NKAIN3: variants seen among roughly 807,000 people sequenced by gnomAD.
The protein encoded by NKAIN3 is sodium/potassium-transporting ATPase subunit beta-1-interacting protein 3.
A neutral mutation model predicts 30.2 loss-of-function variants in NKAIN3; 25 were observed. The observed-to-expected ratio is 0.83, with a 90% CI of 0.60 to 1.16. NKAIN3 has a LOEUF of 1.16. Among genes scored for constraint, NKAIN3 ranks in the 50% most tolerant of loss-of-function variants. The pLI, the probability that NKAIN3 is intolerant of heterozygous loss-of-function variation, is 0.00. For synonymous variants in NKAIN3, 91 were observed against 89.6 expected, an observed-to-expected ratio of 1.02 and a Z score of -0.09; for missense variants, 225 against 254.1, an observed-to-expected ratio of 0.89 and a Z score of 0.78.
intron 4 of NKAIN3, among the ~76,000 whole-genome samples, chr8:62,917,025 A>C (rs1045811995): frequency 6.6e-6 from 1 of 151,892 alleles, no homozygotes; most frequent in East Asian, 1.9e-4. Context: ...TGGCTTCTAT[A>C]GCCAAAGTAC....
intron 5 of NKAIN3, among the ~76,000 whole-genome samples, chr8:62,925,583 T>C (rs1277292019): frequency 1.3e-5 from 2 of 152,202 alleles, no homozygotes; most frequent in African/African-American, 2.4e-5. Flanking sequence ...TCTGTGTTTC[T>C]ACTTGAAACC....
intron 1 of NKAIN3, among the ~76,000 whole-genome samples, chr8:62,480,473 CA>C (rs1806680531): frequency 2.0e-5 from 3 of 147,074 alleles, no homozygotes; most frequent in Non-Finnish European, 3.0e-5. Context: ...AGGATAAGGT[CA>C]GGGGGAAAGT....
intron 3 of NKAIN3, among the ~76,000 whole-genome samples, chr8:62,703,416 T>C (rs969206338): frequency 6.6e-6 from 1 of 152,206 alleles, no homozygotes; most frequent in African/African-American, 2.4e-5. Context: ...GTATGTACCA[T>C]TAAATTATTC....
chr8:62,264,252 C>T (rs939833584), intron 1 of NKAIN3, among the ~76,000 whole-genome samples: 4 of 152,152 alleles, frequency 2.6e-5, no homozygotes, highest in Non-Finnish European at 5.9e-5. Flanking sequence ...CCGCTGGCCA[C>T]CTGCTTCTGC....
chr8:62,524,523 G>A lies in NKAIN3; in HGVS notation c.55-55016G>A, dbSNP rs184770862. Among the ~76,000 whole-genome samples the A allele has an allele frequency of 2.8e-3, 425 of 152,212 alleles. 1 individual carries two copies. Among genetic ancestry groups the A allele is most frequent in the Non-Finnish European group, 4.0e-3 (273 of 68,004 alleles). ...TGTCTGCTGATGGCAATCAGCATAGGTCACTTAGAAAATAGCCCTGGATGG... is the reference window on the plus strand; with the variant it reads ...TGTCTGCTGATGGCAATCAGCATAGATCACTTAGAAAATAGCCCTGGATGG... On this transcript the variant is annotated intron_variant, in intron 1 of 6. Coordinates refer to ENST00000623646, the MANE Select transcript of NKAIN3 (RefSeq NM_001304533.3).
chr8:62,439,193 G>A (rs187638291), intron 1 of NKAIN3, among the ~76,000 whole-genome samples: 2 of 152,306 alleles, frequency 1.3e-5, no homozygotes, highest in South Asian at 2.1e-4. Flanking sequence ...GTCCACATTG[G>A]CACAACTGGT....
At chr8:62,517,042 C>T (rs1470105095) in intron 1 of NKAIN3, among the ~76,000 whole-genome samples, 1 of 149,618 alleles carries the variant, frequency 6.7e-6, no homozygotes, top group Non-Finnish European at 1.5e-5. Context: ...TCATTTGACG[C>T]CTCATTAAGT....
chr8:62,563,873 G>C (rs934056134), intron 1 of NKAIN3, among the ~76,000 whole-genome samples: 5 of 152,120 alleles, frequency 3.3e-5, no homozygotes, highest in African/African-American at 9.7e-5. Context: ...AGACGGGGAG[G>C]AGAGAGCTTC....
chr8:62,501,151 A>G (rs774870804), intron 1 of NKAIN3, among the ~76,000 whole-genome samples: 1 of 152,146 alleles, frequency 6.6e-6, no homozygotes, highest in African/African-American at 2.4e-5. Context: ...ATGTAACCAT[A>G]TTATGTCTAA....
In NKAIN3 at chr8:62,979,404, T is replaced by TG. The variant is rs1200947921; in HGVS notation, c.*14000dup. The TG allele has an allele frequency of 6.6e-6, 1 of 152,182 alleles. No homozygotes were observed. Among genetic ancestry groups the TG allele is most frequent in the African/African-American group, 2.4e-5 (1 of 41,440 alleles). The allele number at this position is 152,182 out of a possible 1,614,324, so 9.4% of individuals were successfully genotyped here. ...CTGTCACTGATGATTTAAACAAGAT[T>TG]GGGTGACTTATTTATGTACACACAC... On this transcript the variant is annotated 3_prime_UTR_variant, in exon 7 of 7. Transcript: ENST00000623646.
intron 4 of NKAIN3, among the ~76,000 whole-genome samples, chr8:62,814,481 G>A (rs1028049926): frequency 5.3e-5 from 8 of 152,012 alleles, no homozygotes; most frequent in Middle Eastern, 6.8e-3. Flanking sequence ...ATAGTTGGAA[G>A]TAAAGCTCTC....
At chr8:62,446,362 C>T (rs13266120) in intron 1 of NKAIN3, among the ~76,000 whole-genome samples, 63,996 of 151,716 alleles carry the variant, frequency 0.42, 15,326 homozygotes, top group Non-Finnish European at 0.53. Flanking sequence ...TAGTTTTCAA[C>T]AAAAATAGCA....
At chr8:62,619,699 A>G (rs552602501) in intron 3 of NKAIN3, among the ~76,000 whole-genome samples, 691 of 44,048 alleles carry the variant, frequency 0.016, 6 homozygotes, top group Middle Eastern at 0.013. Flanking sequence ...CAAATATTGT[A>G]AAAAAAAAAA....
chr8:62,395,455 G>T (rs775952167), intron 1 of NKAIN3, among the ~76,000 whole-genome samples: 1 of 152,190 alleles, frequency 6.6e-6, no homozygotes, highest in Admixed American at 6.5e-5. Flanking sequence ...TATCTTTAAG[G>T]ATTCATGAAA....
At chr8:62,686,503 C>T (rs1045943409) in intron 3 of NKAIN3, among the ~76,000 whole-genome samples, 1 of 152,162 alleles carries the variant, frequency 6.6e-6, no homozygotes, top group African/African-American at 2.4e-5. Flanking sequence ...TTCACCACTA[C>T]TCTTACTGCA....
chr8:62,778,087 T>C (rs1817242645), intron 4 of NKAIN3, among the ~76,000 whole-genome samples: 3 of 152,072 alleles, frequency 2.0e-5, no homozygotes, highest in Admixed American at 2.0e-4. Flanking sequence ...TGCCTGGAGC[T>C]GGGGGAGGAG....
At chr8:62,319,600 A>T (rs562225412) in intron 1 of NKAIN3, among the ~76,000 whole-genome samples, 10 of 152,302 alleles carry the variant, frequency 6.6e-5, no homozygotes, top group Admixed American at 6.5e-4. Context: ...CCCAGTAGTC[A>T]TTCAGGAGCA....
chr8:62,830,488 CATTAT>C (rs1819163061), intron 4 of NKAIN3, among the ~76,000 whole-genome samples: 1 of 152,154 alleles, frequency 6.6e-6, no homozygotes, highest in South Asian at 2.1e-4. Context: ...GACTCCTGCA[CATTAT>C]AAGGGCCCAA....
intron 1 of NKAIN3, among the ~76,000 whole-genome samples, chr8:62,515,858 G>A (rs1043496395): frequency 6.6e-6 from 1 of 151,878 alleles, no homozygotes; most frequent in Non-Finnish European, 1.5e-5. Context: ...TAATCATTTG[G>A]ATTTCACTAT....
Sources: gnomAD v4.1 joint callset for allele counts (sites outside exome capture counted in the v4.1 genomes callset) on GRCh38, gnomAD v4.1.1 for gene constraint, MANE v1.5 for transcripts, NCBI Gene and HGNC (gene_info 2026-07-23, HGNC 2026-07-21) for gene names.